Variants in IGSF11 observed in about 807,000 individuals in gnomAD.
The protein encoded by IGSF11 is CXADR like 1.
In IGSF11, 22 loss-of-function variants were observed where a neutral mutation model predicts 41.0. The observed-to-expected ratio is 0.54, with a 90% confidence interval of 0.38 to 0.77. The LOEUF is 0.77. IGSF11 is among the 30% of genes least tolerant of loss of function. The probability of loss-of-function intolerance (pLI) is 0.00; values close to 1 mark genes in which losing one functional copy is unlikely to be tolerated. For missense variants in IGSF11, 444 were observed against 530.8 expected (o/e 0.84, Z 1.61); for synonymous variants, 219 against 201.3 (o/e 1.09, Z -0.74).
At chr3:119,049,586 T>C (rs1351975272) in intron 1 of IGSF11, among the ~76,000 whole-genome samples, 6 of 150,644 alleles carry the variant, frequency 4.0e-5, no homozygotes, top group African/African-American at 1.2e-4. Flanking sequence ...AGGTAATTTA[T>C]AGATTCAATG....
chr3:119,008,887 C>G (rs1004617788), intron 1 of IGSF11, among the ~76,000 whole-genome samples: 1 of 152,146 alleles, frequency 6.6e-6, no homozygotes, highest in Non-Finnish European at 1.5e-5. Context: ...GACTGACCTC[C>G]GAAAAGCAAG....
rs537507326 is a variant in IGSF11 at position 118,961,885 on chromosome 3, A to G, written c.53-31610T>C. On this transcript the variant is annotated intron_variant, in intron 1 of 6. Transcript: ENST00000393775. ...CCATGGTTACTGTTAAGTTTTAGCAATAGCTACGTAATATATGTGTAAATG... is the reference window on the plus strand; with the variant it reads ...CCATGGTTACTGTTAAGTTTTAGCAGTAGCTACGTAATATATGTGTAAATG... 8.5e-5 allele frequency among the ~76,000 whole-genome samples: 13 copies of G among 152,330 alleles called. No individual in the cohort carries two copies. The South Asian group carries it at 2.5e-3, about 29-fold the overall frequency.
At chr3:118,922,955 G>T (rs1207742156) in intron 4 of IGSF11, among the ~76,000 whole-genome samples, 1 of 152,078 alleles carries the variant, frequency 6.6e-6, no homozygotes, top group Admixed American at 6.6e-5. Flanking sequence ...AGTTAAGAAG[G>T]AACTGACTGG....
At chr3:119,139,151 A>G (rs1488920786) in intron 1 of IGSF11, among the ~76,000 whole-genome samples, 1 of 152,178 alleles carries the variant, frequency 6.6e-6, no homozygotes, top group Non-Finnish European at 1.5e-5. Context: ...CACCTACTAT[A>G]TAACCAAAAA....
At chr3:118,982,874 C>A (rs534562829) in intron 1 of IGSF11, among the ~76,000 whole-genome samples, 6 of 152,270 alleles carry the variant, frequency 3.9e-5, no homozygotes, top group South Asian at 2.1e-4. Flanking sequence ...CTTGCCCATA[C>A]AATGTCCTAT....
chr3:118,991,294 T>C (rs1576574972), intron 1 of IGSF11, among the ~76,000 whole-genome samples: 1 of 152,248 alleles, frequency 6.6e-6, no homozygotes, highest in African/African-American at 2.4e-5. Context: ...AACACTATTG[T>C]TGTGGGCAGG....
At chr3:119,021,750 T>C (rs559080903) in intron 1 of IGSF11, among the ~76,000 whole-genome samples, 3 of 152,224 alleles carry the variant, frequency 2.0e-5, no homozygotes, top group South Asian at 4.1e-4. Flanking sequence ...TACCAGGAAA[T>C]ATCTTTATGA....
At chr3:119,106,880 T>G (rs933411945), upstream of IGSF11, among the ~76,000 whole-genome samples, 2 of 152,308 alleles carry the variant, frequency 1.3e-5, no homozygotes, top group Non-Finnish European at 1.5e-5. Context: ...GAATGATGAT[T>G]TCCAATTTCA....
chr3:118,908,869 GT>G (rs1393166161), intron 4 of IGSF11, among the ~76,000 whole-genome samples: 3 of 152,186 alleles, frequency 2.0e-5, no homozygotes, highest in Non-Finnish European at 2.9e-5. Flanking sequence ...GACAGCCTAA[GT>G]TTGAGTCTAT....
At chr3:118,925,911 A>G (rs1253781225) in intron 4 of IGSF11, 190 bp downstream of exon 4, 3 of 360,890 alleles carry the variant, frequency 8.3e-6, no homozygotes, top group Non-Finnish European at 1.5e-5. Context: ...AATACATTTC[A>G]TAAAGGCAAT....
rs1265690312 is a variant in IGSF11, at chr3:119,053,247, A to G, written c.49+51897T>C. Reference sequence around the variant, plus strand: ...TGCTGCTGTTTTCTAGGTATAGATCATATACTTAGAAAACCCTAAAGACTC... The same window carrying G: ...TGCTGCTGTTTTCTAGGTATAGATCGTATACTTAGAAAACCCTAAAGACTC... On this transcript the variant is annotated intron_variant, in intron 1 of 6. Transcript: ENST00000354673. Among the ~76,000 whole-genome samples, 3 of 152,244 alleles carry G rather than the reference A, an allele frequency of 2.0e-5. No individual in the cohort carries two copies. The East Asian group carries it at 5.8e-4, about 29-fold the overall frequency.
At chr3:119,046,284 C>T (rs896860134) in intron 1 of IGSF11, among the ~76,000 whole-genome samples, 3 of 150,838 alleles carry the variant, frequency 2.0e-5, no homozygotes, top group Admixed American at 2.0e-4. Context: ...ATAACCAATA[C>T]AGAGAAGTGC....
At chr3:118,920,581 C>T (rs1941676687) in intron 4 of IGSF11, among the ~76,000 whole-genome samples, 2 of 151,776 alleles carry the variant, frequency 1.3e-5, no homozygotes, top group Admixed American at 1.3e-4. Context: ...AAAGCCACTG[C>T]ATCTTTTAAT....
intron 3 of IGSF11, among the ~76,000 whole-genome samples, chr3:118,926,593 T>C (rs1333097473): frequency 6.6e-6 from 1 of 152,214 alleles, no homozygotes; most frequent in Non-Finnish European, 1.5e-5. Context: ...ATGTTGCTTT[T>C]AAAAACATTG....
upstream of IGSF11, among the ~76,000 whole-genome samples, chr3:119,036,972 G>A (rs1171059392): frequency 6.6e-6 from 1 of 152,226 alleles, no homozygotes; most frequent in Non-Finnish European, 1.5e-5. Context: ...CATGAGGGCA[G>A]ATGGTAGATG....
At chr3:119,062,214 A>G (rs1429894752) in intron 1 of IGSF11, among the ~76,000 whole-genome samples, 1 of 152,192 alleles carries the variant, frequency 6.6e-6, no homozygotes. Context: ...TGGGGAGGAA[A>G]GATCCATTGA....
chr3:119,053,667 C>T (rs896097758), intron 1 of IGSF11, among the ~76,000 whole-genome samples: 1 of 152,022 alleles, frequency 6.6e-6, no homozygotes, highest in Non-Finnish European at 1.5e-5. Context: ...AAAAAATAAT[C>T]CTAAAATTTG....
chr3:118,997,528 C>T (rs912672185), intron 1 of IGSF11, among the ~76,000 whole-genome samples: 4 of 141,694 alleles, frequency 2.8e-5, no homozygotes, highest in East Asian at 2.4e-4. Context: ...CCTCTGCTGC[C>T]CCCCCCCAGC....
In IGSF11 at chr3:119,116,841, T is replaced by C. The variant is rs371887031; in HGVS notation, c.-13-11636A>G. 3.6e-4 allele frequency among the ~76,000 whole-genome samples: 55 copies of C among 152,286 alleles called. No homozygotes were observed. In the South Asian group the frequency reaches 5.2e-3, roughly 14 times the overall value. ...TGACACCCATGTCTCCACCTGGACC[T>C]GATGGCTCTACCTGAACCGACAACC... On this transcript the variant is annotated intron_variant, in intron 1 of 7. Transcript: ENST00000425327.
Sources: allele counts gnomAD v4.1 joint callset (sites outside exome capture counted in the v4.1 genomes callset), GRCh38; gene constraint gnomAD v4.1.1; transcripts MANE v1.5; gene names NCBI Gene and HGNC (gene_info 2026-07-23, HGNC 2026-07-21).